ANKRD11: variants seen among roughly 807,000 people sequenced by gnomAD.
The protein encoded by ANKRD11 is ankyrin repeat domain-containing protein 11.
In ANKRD11, 17 loss-of-function variants were observed where a neutral mutation model predicts 195.7. That is an observed-to-expected ratio of 0.09 (90% CI 0.06 to 0.13). ANKRD11 has a LOEUF of 0.13. Ranked by LOEUF, ANKRD11 falls within the 10% of genes least tolerant of loss-of-function variation. The probability of loss-of-function intolerance (pLI) is 1.00; values close to 1 mark genes in which losing one functional copy is unlikely to be tolerated. For synonymous variants in ANKRD11, 1,953 were observed against 1,528.1 expected (o/e 1.28, Z -6.49); for missense variants, 3,735 against 3,566.1 (o/e 1.05, Z -1.21).
chr16:89,385,982 G>A (rs925016177), intron 2 of ANKRD11, among the ~76,000 whole-genome samples: 6 of 152,230 alleles, frequency 3.9e-5, no homozygotes, highest in African/African-American at 1.2e-4. Flanking sequence ...CCTGGCTCAA[G>A]CCGGCCTCCC....
At chr16:89,322,031 A>G (rs2037358130) in intron 2 of ANKRD11, among the ~76,000 whole-genome samples, 2 of 152,230 alleles carry the variant, frequency 1.3e-5, no homozygotes. Flanking sequence ...CAGAACACAC[A>G]TAACATACAA....
intron 1 of ANKRD11, among the ~76,000 whole-genome samples, chr16:89,430,028 G>A (rs1272723906): frequency 3.9e-5 from 5 of 128,914 alleles, no homozygotes; most frequent in Non-Finnish European, 8.1e-5. Context: ...CAACTCTCAC[G>A]CTCAGTCGTT....
intron 2 of ANKRD11, among the ~76,000 whole-genome samples, chr16:89,319,066 A>T (rs2037139036): frequency 6.6e-6 from 1 of 152,188 alleles, no homozygotes; most frequent in Non-Finnish European, 1.5e-5. Flanking sequence ...AAGTTTAAGG[A>T]TTATCTGGAA....
At chr16:89,395,226 T>C (rs987715218) in intron 2 of ANKRD11, among the ~76,000 whole-genome samples, 1 of 152,178 alleles carries the variant, frequency 6.6e-6, no homozygotes, top group African/African-American at 2.4e-5. Flanking sequence ...CAGAAAGAAT[T>C]ATGCAAGCCA....
intron 4 of ANKRD11, chr16:89,300,805 G>C (rs2035805934): frequency 5.7e-6 from 4 of 696,404 alleles, no homozygotes; most frequent in Non-Finnish European, 1.0e-5. Flanking sequence ...CCAGAGACCA[G>C]GGTGTCATTC....
intron 2 of ANKRD11, among the ~76,000 whole-genome samples, chr16:89,378,671 C>G (rs1374673709): frequency 6.6e-6 from 1 of 152,188 alleles, no homozygotes; most frequent in African/African-American, 2.4e-5. Context: ...TTTCTGCCTC[C>G]TGGGTTCAAG....
rs1376711527 is a variant in ANKRD11, at chr16:89,285,386, T to C, written c.1156A>G (p.Met386Val). Reference sequence around the variant, plus strand: ...TTTTTAGTGTAACTTTTAACCTCCATTTTGGGTATAGAGATAAAACTATTG... The same window carrying C: ...TTTTTAGTGTAACTTTTAACCTCCACTTTGGGTATAGAGATAAAACTATTG... ...KSNSFISIPK[M>V]EVKSYTKNNT... The change falls in exon 9 of 13, where the codon ATG becomes GTG. Residue 386 changes from methionine (M) to valine (V), a missense_variant. Physicochemically the swap from Met to Val is conservative, Grantham distance 21 (BLOSUM62 1). Coordinates refer to ENST00000301030, the MANE Select transcript of ANKRD11 (RefSeq NM_013275.6). The surrounding 1 kb of genome is among the most constrained non-coding windows in gnomAD (Gnocchi z 5.6). The C allele has an allele frequency of 1.9e-6, 3 of 1,614,116 alleles. No homozygotes were observed. Among genetic ancestry groups the C allele is most frequent in the Non-Finnish European group, 2.5e-6 (3 of 1,180,034 alleles).
chr16:89,401,228 G>A (rs936076421), intron 2 of ANKRD11, among the ~76,000 whole-genome samples: 35 of 152,084 alleles, frequency 2.3e-4, no homozygotes, highest in Admixed American at 2.0e-3. Flanking sequence ...CAAGACGGCC[G>A]CCACCACGCC....
chr16:89,489,651 C>T (rs1342811488), intron 1 of ANKRD11, among the ~76,000 whole-genome samples: 1 of 151,906 alleles, frequency 6.6e-6, no homozygotes, highest in Non-Finnish European at 1.5e-5. Flanking sequence ...GGTCGGCGCC[C>T]CAGCTCCGCA....
At chr16:89,278,227 C>T (rs778957741) in intron 9 of ANKRD11, 5 of 342,864 alleles carry the variant, frequency 1.5e-5, no homozygotes, top group Non-Finnish European at 2.3e-5. Context: ...CCGTGCACAG[C>T]TCAGGCCGTC....
At chr16:89,304,301 C>T (rs1005195164) in intron 4 of ANKRD11, among the ~76,000 whole-genome samples, 2 of 151,852 alleles carry the variant, frequency 1.3e-5, no homozygotes, top group Non-Finnish European at 2.9e-5. Context: ...CATGGGCACA[C>T]AGGCACACAC....
intron 1 of ANKRD11, among the ~76,000 whole-genome samples, chr16:89,445,633 T>G (rs2043751044): frequency 6.6e-6 from 1 of 152,124 alleles, no homozygotes; most frequent in Admixed American, 6.6e-5. Flanking sequence ...CTCTGATATC[T>G]CAACATCCTC....
intron 3 of ANKRD11, among the ~76,000 whole-genome samples, chr16:89,316,112 C>T (rs1174348080): frequency 6.6e-6 from 1 of 152,096 alleles, no homozygotes. Context: ...AGGACGACAG[C>T]GACAGGATGG....
chr16:89,475,166 T>G (rs1342424185), intron 1 of ANKRD11, among the ~76,000 whole-genome samples: 2 of 152,084 alleles, frequency 1.3e-5, no homozygotes, highest in Non-Finnish European at 2.9e-5. Flanking sequence ...GGGTCGTCAG[T>G]GGGTTGGAGA....
chr16:89,456,982 C>T (rs1286105929), intron 1 of ANKRD11, among the ~76,000 whole-genome samples: 1 of 133,898 alleles, frequency 7.5e-6, no homozygotes, highest in Non-Finnish European at 1.6e-5. Flanking sequence ...TTTTTTGAGA[C>T]GGAGTCTCGC....
intron 2 of ANKRD11, among the ~76,000 whole-genome samples, chr16:89,337,220 G>A (rs1411250643): frequency 3.3e-5 from 5 of 151,298 alleles, no homozygotes; most frequent in Admixed American, 6.6e-5. Context: ...AAATTAAAAC[G>A]CCAAACGCAC....
chr16:89,486,170 G>A (rs1250279473), intron 1 of ANKRD11, among the ~76,000 whole-genome samples: 1 of 152,008 alleles, frequency 6.6e-6, no homozygotes, highest in African/African-American at 2.4e-5. Context: ...AACAAAAGGG[G>A]GCTGAGCACA....
intron 1 of ANKRD11, among the ~76,000 whole-genome samples, chr16:89,477,171 C>T (rs562758183): frequency 8.6e-5 from 13 of 151,712 alleles, no homozygotes; most frequent in African/African-American, 2.7e-4. Flanking sequence ...AGTATAAAAG[C>T]CATCACCTTT....
chr16:89,369,374 A>G (rs1597809463), intron 2 of ANKRD11, among the ~76,000 whole-genome samples: 2 of 152,084 alleles, frequency 1.3e-5, no homozygotes, highest in South Asian at 4.1e-4. Context: ...TGGGTGCATG[A>G]CCCGCATGAC....
Sources: allele counts gnomAD v4.1 joint callset (sites outside exome capture counted in the v4.1 genomes callset), GRCh38; gene constraint gnomAD v4.1.1; non-coding constraint Gnocchi (gnomAD v3.1); transcripts MANE v1.5; gene names NCBI Gene and HGNC (gene_info 2026-07-23, HGNC 2026-07-21).